Variants in GABRB1 observed in about 807,000 individuals in gnomAD.
The protein encoded by GABRB1 is gamma-aminobutyric acid receptor subunit beta-1.
A neutral mutation model predicts 51.6 loss-of-function variants in GABRB1; 17 were observed. That is an observed-to-expected ratio of 0.33 (90% CI 0.23 to 0.49). The LOEUF is 0.49. Among genes scored for constraint, GABRB1 ranks in the 20% least tolerant of loss-of-function variants. The probability of loss-of-function intolerance (pLI) is 0.99; values close to 1 mark genes in which losing one functional copy is unlikely to be tolerated. For synonymous variants in GABRB1, 247 were observed against 218.9 expected (o/e 1.13, Z -1.14); for missense variants, 410 against 600.6 (o/e 0.68, Z 3.32).
intron 5 of GABRB1, among the ~76,000 whole-genome samples, chr4:47,376,551 G>C (rs541491155): frequency 1.1e-4 from 17 of 152,348 alleles, no homozygotes; most frequent in African/African-American, 4.1e-4. Flanking sequence ...GGGGGCTGAG[G>C]CAGGAGAATG....
intron 5 of GABRB1, among the ~76,000 whole-genome samples, chr4:47,343,244 C>T (rs1443730775): frequency 6.6e-6 from 1 of 151,826 alleles, no homozygotes; most frequent in Non-Finnish European, 1.5e-5. Context: ...GGGACTTGAA[C>T]TTGGACAGAC....
chr4:47,165,415 C>T (rs937985437), intron 4 of GABRB1, among the ~76,000 whole-genome samples: 1 of 152,014 alleles, frequency 6.6e-6, no homozygotes, highest in African/African-American at 2.4e-5. Context: ...CTACACATTA[C>T]TCCTCTATCT....
At chr4:47,254,973 A>C (rs1722145696) in intron 4 of GABRB1, among the ~76,000 whole-genome samples, 2 of 152,188 alleles carry the variant, frequency 1.3e-5, no homozygotes. Flanking sequence ...TTTGCTCAGT[A>C]ACCAACTAGA....
chr4:47,120,870 C>T lies in GABRB1; in HGVS notation c.241-40379C>T, dbSNP rs145860807. On this transcript the variant is annotated intron_variant, in intron 3 of 8. Transcript: ENST00000295454. ...AGGTTGCAAGAGTCCTTTTTACTCT[C>T]CCCTCTCCTCTTCTGAAGCAGAAGA... is the stretch of plus-strand genomic sequence containing the variant. Among the ~76,000 whole-genome samples the T allele has an allele frequency of 5.2e-3, 798 of 152,166 alleles. 6 individuals carry two copies. Among genetic ancestry groups the T allele is most frequent in the Middle Eastern group, 0.021 (6 of 292 alleles).
intron 4 of GABRB1, among the ~76,000 whole-genome samples, chr4:47,261,074 C>T (rs1195466902): frequency 1.3e-5 from 2 of 152,252 alleles, no homozygotes; most frequent in Non-Finnish European, 2.9e-5. Flanking sequence ...CTATCTATGA[C>T]GAACCCACAG....
chr4:47,211,276 A>G (rs1348534011), intron 4 of GABRB1, among the ~76,000 whole-genome samples: 1 of 152,204 alleles, frequency 6.6e-6, no homozygotes, highest in Non-Finnish European at 1.5e-5. Context: ...GTGGAGCCCA[A>G]TAGTTTGAAG....
intron 4 of GABRB1, among the ~76,000 whole-genome samples, chr4:47,231,671 C>T (rs1721148487): frequency 6.6e-6 from 1 of 152,132 alleles, no homozygotes; most frequent in Non-Finnish European, 1.5e-5. Context: ...TCATATTGAC[C>T]AAAAAATCAT....
At chr4:47,254,313 AT>A (rs1404121122) in intron 4 of GABRB1, among the ~76,000 whole-genome samples, 3 of 101,136 alleles carry the variant, frequency 3.0e-5, no homozygotes, top group African/African-American at 1.2e-4. Flanking sequence ...AGAACATGGT[AT>A]TTTTCTCTTC....
chr4:47,122,315 T>A (rs1179091964), intron 3 of GABRB1, among the ~76,000 whole-genome samples: 1 of 152,198 alleles, frequency 6.6e-6, no homozygotes, highest in East Asian at 1.9e-4. Flanking sequence ...GACTGTTTAG[T>A]TCATCATTTT....
chr4:46,999,331 C>T (rs1724113080), intron 1 of GABRB1, among the ~76,000 whole-genome samples: 1 of 152,076 alleles, frequency 6.6e-6, no homozygotes, highest in African/African-American at 2.4e-5. Context: ...AAGCAGTTTG[C>T]CAATATATTT....
At chr4:47,403,772 AT>A in intron 7 of GABRB1, 61 bp downstream of exon 7, 1 of 1,542,446 alleles carries the variant, frequency 6.5e-7, no homozygotes, top group Non-Finnish European at 8.8e-7. Context: ...AATAACCAAT[AT>A]CAGGAATTAT....
chr4:47,294,641 G>A (rs1289021184), intron 4 of GABRB1, among the ~76,000 whole-genome samples: 1 of 152,250 alleles, frequency 6.6e-6, no homozygotes, highest in South Asian at 2.1e-4. Context: ...GCTCAAGGAG[G>A]CCTGTCTGCC....
chr4:47,091,774 A>G (rs1268036353), intron 3 of GABRB1, among the ~76,000 whole-genome samples: 1 of 152,086 alleles, frequency 6.6e-6, no homozygotes, highest in Non-Finnish European at 1.5e-5. Context: ...AGGCATTTCA[A>G]CTTCTTCCCT....
chr4:47,037,373 G>C (rs1021356464), intron 3 of GABRB1, among the ~76,000 whole-genome samples: 2 of 152,094 alleles, frequency 1.3e-5, no homozygotes, highest in African/African-American at 4.8e-5. Context: ...GCAGAAACAG[G>C]TATTAGCTAG....
intron 4 of GABRB1, among the ~76,000 whole-genome samples, chr4:47,222,578 T>A (rs925073919): frequency 1.3e-5 from 2 of 152,110 alleles, no homozygotes; most frequent in Non-Finnish European, 2.9e-5. Flanking sequence ...CAGCTAGCAT[T>A]CACAAGACAT....
chr4:47,034,645 C>A (rs934716343), intron 3 of GABRB1, among the ~76,000 whole-genome samples: 1 of 152,064 alleles, frequency 6.6e-6, no homozygotes, highest in Non-Finnish European at 1.5e-5. Context: ...TTTTAATGAG[C>A]ACTATCAACA....
At chr4:47,125,621 T>A (rs936858964) in intron 3 of GABRB1, among the ~76,000 whole-genome samples, 4 of 126,662 alleles carry the variant, frequency 3.2e-5, no homozygotes, top group Non-Finnish European at 6.5e-5. Context: ...AGTGGCGGGA[T>A]CTCGGCTCAC....
At chr4:47,048,715 A>G (rs1726207757) in intron 3 of GABRB1, among the ~76,000 whole-genome samples, 2 of 152,174 alleles carry the variant, frequency 1.3e-5, no homozygotes, top group South Asian at 4.1e-4. Flanking sequence ...TATTTCACAG[A>G]TAAAGAACTG....
rs1007095768 is a variant in GABRB1, at chr4:47,242,106, C to T, written c.462-78021C>T. Among the ~76,000 whole-genome samples, 6 of 151,950 alleles carry T rather than the reference C, an allele frequency of 3.9e-5. No homozygotes were observed. The East Asian group carries it at 5.8e-4, about 15-fold the overall frequency. On this transcript the variant is annotated intron_variant, in intron 4 of 8. Transcript: ENST00000295454. Reference sequence around the variant, plus strand: ...CTGTGTCCATGTGTTCTCATTGTTCCGTTCCCACCTATGAGTGAGAACATG... The same window carrying T: ...CTGTGTCCATGTGTTCTCATTGTTCTGTTCCCACCTATGAGTGAGAACATG...
Sources: allele counts gnomAD v4.1 joint callset (sites outside exome capture counted in the v4.1 genomes callset), GRCh38; gene constraint gnomAD v4.1.1; transcripts MANE v1.5; gene names NCBI Gene and HGNC (gene_info 2026-07-23, HGNC 2026-07-21).